The following CDC42SE2 variants were observed in gnomAD, a reference collection of about 807,000 sequenced individuals.
The protein encoded by CDC42SE2 is CDC42 small effector 2, also known as CDC42 small effector protein 2.
Under a neutral mutation model 11.5 loss-of-function variants are expected in CDC42SE2, and 3 were observed. The observed-to-expected ratio is 0.26, with a 90% CI of 0.12 to 0.67. The LOEUF (loss-of-function observed/expected upper bound fraction) is 0.67. Ranked by LOEUF, CDC42SE2 falls within the 30% of genes least tolerant of loss-of-function variation. The pLI, the probability that CDC42SE2 is intolerant of heterozygous loss-of-function variation, is 0.80. For synonymous variants in CDC42SE2, 33 were observed against 34.8 expected (o/e 0.95, Z 0.18); for missense variants, 82 against 106.8 (o/e 0.77, Z 1.02).
At chr5:131,293,343 A>T (rs1757501579) in intron 1 of CDC42SE2, among the ~76,000 whole-genome samples, 2 of 152,012 alleles carry the variant, frequency 1.3e-5, no homozygotes, top group African/African-American at 2.4e-5. Flanking sequence ...AGGCCAAGGC[A>T]GGCAGATCAC....
chr5:131,251,987 C>T (rs1419682683), intron 1 of CDC42SE2, among the ~76,000 whole-genome samples: 1 of 150,528 alleles, frequency 6.6e-6, no homozygotes, highest in Non-Finnish European at 1.5e-5. Flanking sequence ...TGCACTACAG[C>T]CTGAGCAACA....
chr5:131,297,059 G>A (rs1757583702), intron 1 of CDC42SE2, among the ~76,000 whole-genome samples: 2 of 151,894 alleles, frequency 1.3e-5, no homozygotes, highest in African/African-American at 4.8e-5. Flanking sequence ...GATATAAATA[G>A]TAGTGAGTTA....
At chr5:131,266,460 C>CTTT (rs913283936) in intron 1 of CDC42SE2, among the ~76,000 whole-genome samples, 4 of 128,184 alleles carry the variant, frequency 3.1e-5, no homozygotes, top group Admixed American at 7.9e-5. Flanking sequence ...TTTTTTTTTT[C>CTTT]TTTTTTTTTT....
intron 1 of CDC42SE2, among the ~76,000 whole-genome samples, chr5:131,307,395 C>G (rs1313088030): frequency 6.6e-6 from 1 of 151,946 alleles, no homozygotes; most frequent in Admixed American, 6.6e-5. Context: ...AGGACATGAA[C>G]TCATCATTTT....
chr5:131,212,261 C>T, the CDC42SE2 span, among the ~76,000 whole-genome samples: 4 of 152,012 alleles, frequency 2.6e-5, no homozygotes, highest in African/African-American at 9.7e-5. Context: ...GAGCCTGCCA[C>T]CACGCCCAGC....
chr5:131,319,651 T>C (rs1758118948), intron 2 of CDC42SE2, among the ~76,000 whole-genome samples: 1 of 152,160 alleles, frequency 6.6e-6, no homozygotes, highest in Non-Finnish European at 1.5e-5. Flanking sequence ...TCTCTTCCAG[T>C]CTGTAACATC....
intron 4 of CDC42SE2, among the ~76,000 whole-genome samples, chr5:131,387,217 C>G (rs1750512858): frequency 6.6e-6 from 1 of 152,114 alleles, no homozygotes; most frequent in African/African-American, 2.4e-5. Flanking sequence ...TCTCTCTCAT[C>G]AACAGATGTT....
At chr5:131,246,402 G>A (rs1248924391) in intron 1 of CDC42SE2, among the ~76,000 whole-genome samples, 1 of 152,178 alleles carries the variant, frequency 6.6e-6, no homozygotes, top group African/African-American at 2.4e-5. Flanking sequence ...GTTGCAGTGA[G>A]CCAAGATCAC....
intron 2 of CDC42SE2, among the ~76,000 whole-genome samples, chr5:131,348,248 A>G (rs918811128): frequency 1.3e-5 from 2 of 152,206 alleles, no homozygotes; most frequent in African/African-American, 4.8e-5. Context: ...AGAAAACCCC[A>G]TCATCTCAGC....
chr5:131,266,705 G>A (rs775694598), intron 1 of CDC42SE2, among the ~76,000 whole-genome samples: 2 of 151,932 alleles, frequency 1.3e-5, no homozygotes, highest in South Asian at 2.1e-4. Context: ...TGATCTGCCC[G>A]CCTCGGCCTC....
chr5:131,267,533 G>T (rs1375206948), intron 1 of CDC42SE2, among the ~76,000 whole-genome samples: 1 of 152,160 alleles, frequency 6.6e-6, no homozygotes, highest in Non-Finnish European at 1.5e-5. Flanking sequence ...CTGTTGGGGA[G>T]AGGGTAGTTC....
chr5:131,306,425 T>A (rs1387719103), intron 1 of CDC42SE2, among the ~76,000 whole-genome samples: 1 of 152,202 alleles, frequency 6.6e-6, no homozygotes, highest in Non-Finnish European at 1.5e-5. Flanking sequence ...GGTTTATTTC[T>A]GGGCTTTCTA....
upstream of CDC42SE2, chr5:131,261,480 T>C (rs1169167347): frequency 6.6e-6 from 1 of 152,206 alleles, no homozygotes; most frequent in African/African-American, 2.4e-5. Context: ...TTTTAAATCA[T>C]AAAGGATAAA....
the CDC42SE2 span, among the ~76,000 whole-genome samples, chr5:131,228,375 AAG>A: frequency 6.6e-6 from 1 of 152,116 alleles, no homozygotes; most frequent in Non-Finnish European, 1.5e-5. Context: ...TCAAGAAAGA[AAG>A]AGAGACAGAG....
rs977468207 is a variant in CDC42SE2 at position 131,291,468 on chromosome 5, T to A, written c.-454-24508T>A. ...GTTTTTGAAGGATTTGTTTTCACTTTGATCTTTATTTTGTTTAGTTACTCT... is the reference window on the plus strand; with the variant it reads ...GTTTTTGAAGGATTTGTTTTCACTTAGATCTTTATTTTGTTTAGTTACTCT... On this transcript the variant is annotated intron_variant, in intron 1 of 4. Coordinates refer to ENST00000505065, the MANE Select transcript of CDC42SE2 (RefSeq NM_001375635.1). Among the ~76,000 whole-genome samples the A allele has an allele frequency of 2.6e-5, 4 of 152,338 alleles. No individual in the cohort carries two copies. The South Asian group carries it at 8.3e-4, about 32-fold the overall frequency.
At chr5:131,293,612 G>T (rs1038924392) in intron 1 of CDC42SE2, among the ~76,000 whole-genome samples, 2 of 150,088 alleles carry the variant, frequency 1.3e-5, no homozygotes, top group Non-Finnish European at 3.0e-5. Flanking sequence ...ACCAGACTCT[G>T]AATCCACCAG....
chr5:131,337,988 G>A lies in CDC42SE2; in HGVS notation c.-285-21221G>A, dbSNP rs961645907. 5.3e-5 allele frequency among the ~76,000 whole-genome samples: 8 copies of A among 152,368 alleles called. No individual in the cohort carries two copies. The South Asian group carries it at 1.7e-3, about 32-fold the overall frequency. On this transcript the variant is annotated intron_variant, in intron 2 of 4. Coordinates refer to ENST00000505065, the MANE Select transcript of CDC42SE2 (RefSeq NM_001375635.1). Reference sequence around the variant, plus strand: ...TGCACCCACTGTCCGGCACTCCCCAGTGAGATGAACCCGGTATCTCAGTTG... The same window carrying A: ...TGCACCCACTGTCCGGCACTCCCCAATGAGATGAACCCGGTATCTCAGTTG...
At chr5:131,380,410 G>A (rs1750287319) in intron 3 of CDC42SE2, among the ~76,000 whole-genome samples, 1 of 152,114 alleles carries the variant, frequency 6.6e-6, no homozygotes, top group Admixed American at 6.5e-5. Context: ...GCCTCCTGAA[G>A]TGCTGGGATT....
At chr5:131,214,930 T>C in the CDC42SE2 span, among the ~76,000 whole-genome samples, 3 of 152,228 alleles carry the variant, frequency 2.0e-5, no homozygotes, top group African/African-American at 7.2e-5. Flanking sequence ...GAATTCACTA[T>C]ACCAAATAAG....
Sources: allele counts gnomAD v4.1 joint callset (sites outside exome capture counted in the v4.1 genomes callset), GRCh38; gene constraint gnomAD v4.1.1; transcripts MANE v1.5; gene names NCBI Gene and HGNC (gene_info 2026-07-23, HGNC 2026-07-21).